Variants in PTPRK observed in about 807,000 individuals in gnomAD.
The protein encoded by PTPRK is receptor-type tyrosine-protein phosphatase kappa.
PTPRK carries 75 observed loss-of-function variants against 178.0 expected under a neutral mutation model. The observed-to-expected ratio is 0.42, with a 90% CI of 0.35 to 0.51. The LOEUF (loss-of-function observed/expected upper bound fraction) is 0.51, where lower values mean the gene tolerates loss of function less well. PTPRK is among the 20% of genes least tolerant of loss of function. PTPRK has a pLI of 0.02. For synonymous variants in PTPRK, 637 were observed against 620.6 expected (o/e 1.03, Z -0.39); for missense variants, 1,441 against 1,797.8 (o/e 0.80, Z 3.59).
chr6:128,491,659 T>C (rs1011012375), intron 1 of PTPRK: 4 of 447,714 alleles, frequency 8.9e-6, no homozygotes, highest in Non-Finnish European at 1.8e-5. Flanking sequence ...CAGGCACTCA[T>C]GTGAACACCA....
chr6:128,389,409 T>G (rs1450595048), intron 2 of PTPRK, among the ~76,000 whole-genome samples: 1 of 41,142 alleles, frequency 2.4e-5, no homozygotes, highest in African/African-American at 3.7e-5. Flanking sequence ...TTTTGTTTTT[T>G]TTTGTTTTTT....
chr6:128,114,683 C>T (rs985580752), intron 7 of PTPRK, among the ~76,000 whole-genome samples: 7 of 148,788 alleles, frequency 4.7e-5, no homozygotes, highest in Non-Finnish European at 8.9e-5. Context: ...CTGGAGGAAA[C>T]GACCCCCAAG....
At chr6:128,409,131 A>T (rs774773863) in intron 1 of PTPRK, among the ~76,000 whole-genome samples, 2 of 152,234 alleles carry the variant, frequency 1.3e-5, no homozygotes, top group Non-Finnish European at 2.9e-5. Context: ...GGATTAAGAA[A>T]ATAAACACAG....
At chr6:128,214,723 C>T (rs935073016) in intron 6 of PTPRK, among the ~76,000 whole-genome samples, 20 of 152,112 alleles carry the variant, frequency 1.3e-4, no homozygotes, top group African/African-American at 4.3e-4. Context: ...TTGGAAAGAA[C>T]GTGGATCTTT....
chr6:128,349,390 A>G (rs769905356), intron 2 of PTPRK, among the ~76,000 whole-genome samples: 1 of 152,134 alleles, frequency 6.6e-6, no homozygotes, highest in Admixed American at 6.6e-5. Flanking sequence ...ATGAGAGATT[A>G]TATCAACAGG....
chr6:128,422,494 C>G (rs1843596947), intron 1 of PTPRK, among the ~76,000 whole-genome samples: 1 of 151,988 alleles, frequency 6.6e-6, no homozygotes, highest in Non-Finnish European at 1.5e-5. Flanking sequence ...GTTTATTATT[C>G]ACTTCATCTT....
chr6:128,472,886 T>C (rs1850886034), intron 1 of PTPRK, among the ~76,000 whole-genome samples: 1 of 152,104 alleles, frequency 6.6e-6, no homozygotes, highest in South Asian at 2.1e-4. Flanking sequence ...CTTTTCTGCA[T>C]TATTTGTGGC....
intron 7 of PTPRK, among the ~76,000 whole-genome samples, chr6:128,137,303 A>G (rs1308635197): frequency 3.3e-5 from 5 of 152,168 alleles, no homozygotes; most frequent in Non-Finnish European, 7.4e-5. Flanking sequence ...TCTATTTCCA[A>G]AAGTGTACAT....
At chr6:128,362,534 A>G (rs1276662494) in intron 2 of PTPRK, among the ~76,000 whole-genome samples, 1 of 152,218 alleles carries the variant, frequency 6.6e-6, no homozygotes, top group Non-Finnish European at 1.5e-5. Context: ...CAAAACAAGG[A>G]TCTAAATTAT....
intron 1 of PTPRK, among the ~76,000 whole-genome samples, chr6:128,435,106 AAGGCAGGAAGGC>A (rs1352612094): frequency 0.012 from 750 of 64,534 alleles, 48 homozygotes; most frequent in African/African-American, 0.053. Context: ...GGAAGGAAGG[AAGGCAGGAAGGC>A]AGGCAGGAAG....
intron 13 of PTPRK, among the ~76,000 whole-genome samples, chr6:128,022,825 A>G (rs1773731101): frequency 1.3e-5 from 2 of 152,172 alleles, no homozygotes; most frequent in South Asian, 4.1e-4. Context: ...ATCTGCCCCC[A>G]ATATGTTTTC....
chr6:128,418,041 G>A (rs1050839336), intron 1 of PTPRK, among the ~76,000 whole-genome samples: 8 of 152,106 alleles, frequency 5.3e-5, no homozygotes, highest in African/African-American at 7.2e-5. Context: ...AAAGATGGAC[G>A]CTAACATTCT....
intron 2 of PTPRK, among the ~76,000 whole-genome samples, chr6:128,363,679 G>A (rs537901134): frequency 6.6e-6 from 1 of 152,054 alleles, no homozygotes; most frequent in Admixed American, 6.6e-5. Flanking sequence ...GAATCAGTTT[G>A]CTGAACACTC....
intron 1 of PTPRK, among the ~76,000 whole-genome samples, chr6:128,405,999 C>CA (rs1166491408): frequency 2.0e-5 from 3 of 150,258 alleles, no homozygotes; most frequent in East Asian, 1.9e-4. Flanking sequence ...ATCTTGAAAT[C>CA]AAAAAACAAA....
chr6:128,260,165 T>A (rs553564481), intron 3 of PTPRK, among the ~76,000 whole-genome samples: 14 of 152,288 alleles, frequency 9.2e-5, no homozygotes, highest in African/African-American at 3.4e-4. Context: ...TCTGATGACA[T>A]GGCTTCCTAA....
chr6:128,224,891 C>A (rs975246228), intron 5 of PTPRK, among the ~76,000 whole-genome samples: 3 of 152,112 alleles, frequency 2.0e-5, no homozygotes, highest in Non-Finnish European at 2.9e-5. Flanking sequence ...GCATATCAGG[C>A]AGAGAGACAG....
chr6:127,968,994 A>C lies in PTPRK; in HGVS notation c.*1233T>G, dbSNP rs1455323328. ...TAAGAATCCCATGACAATGCGCAAA[A>C]CAGGAATCTGGCATTGATTTGTTCA... is the stretch of plus-strand genomic sequence containing the variant. On this transcript the variant is annotated 3_prime_UTR_variant, in exon 30 of 30. Transcript: ENST00000368226. 1 of 152,214 alleles carries C rather than the reference A, an allele frequency of 6.6e-6. No individual in the cohort carries two copies. Among genetic ancestry groups the C allele is most frequent in the African/African-American group, 2.4e-5 (1 of 41,452 alleles). 9.4% of individuals were successfully genotyped at this position (152,214 alleles called of 1,614,324 possible). A position where few individuals can be genotyped will look rare whatever the true frequency, so the allele number is the denominator to read the frequency against.
chr6:128,143,615 C>T lies in PTPRK; in HGVS notation c.1162+40817G>A, dbSNP rs28564845. ...TCACAGAGTTATTGCCCTTACCTTTCAGCTCATGGGCTCTAGTGCTCCCAT... is the reference window on the plus strand; with the variant it reads ...TCACAGAGTTATTGCCCTTACCTTTTAGCTCATGGGCTCTAGTGCTCCCAT... On this transcript the variant is annotated intron_variant, in intron 7 of 29. Coordinates refer to ENST00000368226, the MANE Select transcript of PTPRK (RefSeq NM_002844.4). 3.6e-3 allele frequency among the ~76,000 whole-genome samples: 546 copies of T among 152,260 alleles called. 5 individuals carry two copies. Among genetic ancestry groups the T allele is most frequent in the African/African-American group, 0.012 (501 of 41,570 alleles).
rs1342067608 is a variant in PTPRK at position 128,082,299 on chromosome 6, G to C, written c.1777+138C>G. On this transcript the variant is annotated intron_variant, in intron 10 of 29. Transcript: ENST00000368226. The stretch of plus-strand genomic sequence containing the variant: ...TCATATTCAAATAATTATTTAAAGT[G>C]CTTTCATTTATGCATAACTATATTA... 9.7e-6 allele frequency: 7 copies of C among 718,108 alleles called. No individual in the cohort carries two copies. In the Admixed American group the frequency reaches 1.9e-4, roughly 19 times the overall value. 44.5% of individuals were successfully genotyped at this position (718,108 alleles called of 1,614,324 possible). A position where few individuals can be genotyped will look rare whatever the true frequency, so the allele number is the denominator to read the frequency against.
Sources: gnomAD v4.1 joint callset for allele counts (sites outside exome capture counted in the v4.1 genomes callset) on GRCh38, gnomAD v4.1.1 for gene constraint, MANE v1.5 for transcripts, NCBI Gene and HGNC (gene_info 2026-07-23, HGNC 2026-07-21) for gene names.